Variants in TCF20 observed in about 807,000 individuals in gnomAD.
TCF20 encodes the protein transcription factor 20.
In TCF20, 3 loss-of-function variants were observed where a neutral mutation model predicts 148.6. That is an observed-to-expected ratio of 0.02 (90% CI 0.01 to 0.05). The LOEUF is 0.05. Among genes scored for constraint, TCF20 ranks in the 10% least tolerant of loss-of-function variants. The probability of loss-of-function intolerance (pLI) is 1.00; values close to 1 mark genes in which losing one functional copy is unlikely to be tolerated. For synonymous variants in TCF20, 1,049 were observed against 909.5 expected (o/e 1.15, Z -2.76); for missense variants, 2,350 against 2,429.3 (o/e 0.97, Z 0.69).
At chr22:42,177,836 A>G (rs1569108568) in intron 3 of TCF20, among the ~76,000 whole-genome samples, 1 of 151,886 alleles carries the variant, frequency 6.6e-6, no homozygotes, top group South Asian at 2.1e-4. Flanking sequence ...TTGGTTTTTG[A>G]TCCTGGTTCC....
intron 3 of TCF20, among the ~76,000 whole-genome samples, chr22:42,172,966 C>G (rs912190203): frequency 1.3e-5 from 2 of 152,122 alleles, no homozygotes; most frequent in African/African-American, 4.8e-5. Context: ...GGCTGTCCCC[C>G]GGGGAGGAGT....
At chr22:42,190,457 CTG>C (rs1937271966) in intron 2 of TCF20, among the ~76,000 whole-genome samples, 1 of 100,008 alleles carries the variant, frequency 1.0e-5, no homozygotes, top group Non-Finnish European at 2.7e-5. Flanking sequence ...AAGACCTTGA[CTG>C]ACACACACAC....
Position 42,214,640 on chromosome 22 carries a change from A to G in TCF20, c.666T>C (p.Ala222=). The G allele has an allele frequency of 1.2e-6, 2 of 1,614,182 alleles. No homozygotes were observed. The highest frequency in any genetic ancestry group is 1.7e-6 in the Non-Finnish European group (2 of 1,180,042). The change falls in exon 2 of 6, where the codon GCT becomes GCC. Residue 222 remains alanine, a synonymous_variant. Transcript: ENST00000677622. ...QRPSTLPSSA[A]GYQLRVGQFG... ...ACTGACCCACTCTTAACTGGTAACC[A>G]GCAGCAGAGGATGGCAGAGTTGAGG...
chr22:42,277,540 G>A (rs1238569500), intron 1 of TCF20, among the ~76,000 whole-genome samples: 2 of 152,324 alleles, frequency 1.3e-5, no homozygotes, highest in East Asian at 3.9e-4. Flanking sequence ...AGAGGGCACG[G>A]CATGGGCAAA....
intron 1 of TCF20, among the ~76,000 whole-genome samples, chr22:42,248,759 G>GT (rs1368114721): frequency 3.9e-5 from 6 of 152,190 alleles, no homozygotes; most frequent in Non-Finnish European, 7.3e-5. Context: ...AATTTGCATA[G>GT]TTTTGGTTGT....
chr22:42,308,990 C>T (rs1927483744), intron 1 of TCF20, among the ~76,000 whole-genome samples: 1 of 152,120 alleles, frequency 6.6e-6, no homozygotes, highest in Non-Finnish European at 1.5e-5. Context: ...AGCAGAGGGG[C>T]ACTGAACACC....
At chr22:42,312,336 G>C (rs1927551123) in intron 1 of TCF20, among the ~76,000 whole-genome samples, 1 of 152,200 alleles carries the variant, frequency 6.6e-6, no homozygotes, top group Non-Finnish European at 1.5e-5. Context: ...GTCTAGACCA[G>C]CAGCTGCTGA....
chr22:42,162,243 T>C lies in TCF20; in HGVS notation c.*45-885A>G, dbSNP rs146416717. Among the ~76,000 whole-genome samples, 482 of 152,106 alleles carry C rather than the reference T, an allele frequency of 3.2e-3. 5 individuals are homozygous for C. The highest frequency in any genetic ancestry group is 0.011 in the African/African-American group (464 of 41,494). On this transcript the variant is annotated intron_variant, in intron 5 of 5. Coordinates refer to ENST00000677622, the MANE Select transcript of TCF20 (RefSeq NM_001378418.1). Reference sequence around the variant, plus strand: ...CTGCCCACCTCGGCCTCCCAAAGTGTTGGGATTACAGGCGTGAGCCACTAC... The same window carrying C: ...CTGCCCACCTCGGCCTCCCAAAGTGCTGGGATTACAGGCGTGAGCCACTAC...
At chr22:42,241,999 G>A (rs1038919860) in intron 1 of TCF20, among the ~76,000 whole-genome samples, 1 of 151,980 alleles carries the variant, frequency 6.6e-6, no homozygotes, top group East Asian at 1.9e-4. Flanking sequence ...TCAGGAGATC[G>A]AGACCATCCT....
intron 1 of TCF20, among the ~76,000 whole-genome samples, chr22:42,334,567 G>A (rs912058077): frequency 3.3e-5 from 5 of 152,246 alleles, no homozygotes; most frequent in Non-Finnish European, 5.9e-5. Context: ...GCAGGGAGGT[G>A]GTTCCGAGTC....
At chr22:42,175,928 G>C (rs1174773817) in intron 3 of TCF20, among the ~76,000 whole-genome samples, 1 of 151,908 alleles carries the variant, frequency 6.6e-6, no homozygotes, top group Non-Finnish European at 1.5e-5. Flanking sequence ...CTGGGTAGCT[G>C]GGACTACAGA....
intron 1 of TCF20, among the ~76,000 whole-genome samples, chr22:42,218,504 T>C (rs1224390127): frequency 6.6e-6 from 1 of 152,196 alleles, no homozygotes; most frequent in Non-Finnish European, 1.5e-5. Flanking sequence ...TGGCCTTCTC[T>C]AGATAAAACA....
intron 1 of TCF20, among the ~76,000 whole-genome samples, chr22:42,257,819 C>T (rs1298149340): frequency 6.6e-6 from 1 of 152,228 alleles, no homozygotes; most frequent in African/African-American, 2.4e-5. Context: ...CCTCTGCAGA[C>T]CTGGGGGAGC....
At chr22:42,226,719 A>G (rs964453403) in intron 1 of TCF20, among the ~76,000 whole-genome samples, 6 of 152,188 alleles carry the variant, frequency 3.9e-5, no homozygotes, top group East Asian at 1.9e-4. Flanking sequence ...TTAAAAAGAA[A>G]TAATAATAAA....
upstream of TCF20, among the ~76,000 whole-genome samples, chr22:42,285,259 G>A (rs1927006679): frequency 1.3e-5 from 2 of 152,088 alleles, no homozygotes; most frequent in South Asian, 4.2e-4. This position sits in a 1 kb window ranked among gnomAD's most constrained non-coding sequence, Gnocchi z 4.2. Context: ...ACCTGGTGAG[G>A]GCCTACTAAG....
chr22:42,323,927 T>TGGC (rs1369488141), intron 1 of TCF20, among the ~76,000 whole-genome samples: 663 of 12,966 alleles, frequency 0.051, 68 homozygotes, highest in African/African-American at 0.17. Flanking sequence ...ATGGAGGTTA[T>TGGC]GGTGGTGGTG....
intron 2 of TCF20, among the ~76,000 whole-genome samples, chr22:42,196,752 C>T (rs761166789): frequency 2.7e-5 from 4 of 149,618 alleles, no homozygotes; most frequent in South Asian, 2.1e-4. Flanking sequence ...CTAGCTGCTC[C>T]GTGAGAAACA....
intron 1 of TCF20, among the ~76,000 whole-genome samples, chr22:42,220,025 G>A (rs1252551929): frequency 6.6e-6 from 1 of 152,184 alleles, no homozygotes; most frequent in African/African-American, 2.4e-5. Flanking sequence ...TCCATGTGCC[G>A]ACCTCACAAA....
At chr22:42,167,991 T>C (rs941760090) in intron 5 of TCF20, among the ~76,000 whole-genome samples, 1 of 151,994 alleles carries the variant, frequency 6.6e-6, no homozygotes, top group Non-Finnish European at 1.5e-5. Context: ...CCTCCCAAAG[T>C]GCTGGCATTA....
Sources: allele counts gnomAD v4.1 joint callset (sites outside exome capture counted in the v4.1 genomes callset), GRCh38; gene constraint gnomAD v4.1.1; non-coding constraint Gnocchi (gnomAD v3.1); transcripts MANE v1.5; gene names NCBI Gene and HGNC (gene_info 2026-07-23, HGNC 2026-07-21).